The following CPLX1 variants were observed in gnomAD, a reference collection of about 807,000 sequenced individuals.
CPLX1 encodes the protein complexin 1.
Under a neutral mutation model 15.6 loss-of-function variants are expected in CPLX1, and 6 were observed. That is an observed-to-expected ratio of 0.39 (90% CI 0.21 to 0.76). CPLX1 has a LOEUF of 0.76. CPLX1 is among the 30% of genes least tolerant of loss of function. The probability of loss-of-function intolerance (pLI) is 0.43; values close to 1 mark genes in which losing one functional copy is unlikely to be tolerated. For synonymous variants in CPLX1, 91 were observed against 75.2 expected (o/e 1.21, Z -1.08); for missense variants, 242 against 188.6 (o/e 1.28, Z -1.66).
At chr4:824,826 T>G (rs1463631502) in intron 1 of CPLX1, 2 of 608,816 alleles carry the variant, frequency 3.3e-6, no homozygotes, top group Non-Finnish European at 3.1e-6. Context: ...CTGAAGCCTC[T>G]GCAGGGAGGG....
chr4:822,126 C>T (rs1332317918), intron 2 of CPLX1, among the ~76,000 whole-genome samples: 2 of 145,888 alleles, frequency 1.4e-5, no homozygotes, highest in Non-Finnish European at 3.0e-5. Context: ...TCTGTCTCTC[C>T]CTCTCACCAC....
At chr4:794,511 T>C (rs960044462) in intron 2 of CPLX1, among the ~76,000 whole-genome samples, 3 of 152,192 alleles carry the variant, frequency 2.0e-5, no homozygotes, top group African/African-American at 7.2e-5. Flanking sequence ...GGAAACTGGG[T>C]CACAGTAGAG....
chr4:792,233 G>T (rs1746198369), intron 3 of CPLX1, among the ~76,000 whole-genome samples, 200 bp downstream of exon 3: 1 of 152,192 alleles, frequency 6.6e-6, no homozygotes, highest in South Asian at 2.1e-4. Context: ...GTCAGGAGCA[G>T]GAGGGGCTGG....
chr4:786,314 A>C lies in CPLX1; in HGVS notation c.*187T>G, dbSNP rs1291221760. 4 of 489,010 alleles carry C rather than the reference A, an allele frequency of 8.2e-6. No individual in the cohort carries two copies. The highest frequency in any genetic ancestry group is 1.4e-5 in the Non-Finnish European group (4 of 285,222). 30.3% of individuals were successfully genotyped at this position (489,010 alleles called of 1,614,324 possible). A position where few individuals can be genotyped will look rare whatever the true frequency, so the allele number is the denominator to read the frequency against. The stretch of plus-strand genomic sequence containing the variant: ...CCGCGGGCAGAGGAGCACGGGGCGG[A>C]CTGGGGGGGTCCTGGGGGCGCGCGC... On this transcript the variant is annotated 3_prime_UTR_variant, in exon 4 of 4. Transcript: ENST00000304062.
chr4:789,307 G>A (rs897989566), intron 3 of CPLX1, among the ~76,000 whole-genome samples: 2 of 152,136 alleles, frequency 1.3e-5, no homozygotes, highest in African/African-American at 4.8e-5. Flanking sequence ...AGTAACACCT[G>A]AGGATGGGAG....
chr4:797,635 C>T (rs904342718), intron 2 of CPLX1, among the ~76,000 whole-genome samples: 10 of 147,840 alleles, frequency 6.8e-5, no homozygotes, highest in African/African-American at 2.0e-4. Flanking sequence ...CACAACCTGA[C>T]TTTAAGACTT....
intron 2 of CPLX1, among the ~76,000 whole-genome samples, chr4:820,978 C>T (rs1746850955): frequency 6.6e-6 from 1 of 152,164 alleles, no homozygotes; most frequent in Non-Finnish European, 1.5e-5. Context: ...ACTTCTCGTC[C>T]ACCCCGGCTT....
intron 3 of CPLX1, among the ~76,000 whole-genome samples, chr4:791,640 C>T (rs992634641): frequency 6.6e-6 from 1 of 152,200 alleles, no homozygotes; most frequent in African/African-American, 2.4e-5. Context: ...CGAAGCCAGG[C>T]CATCTTGGCC....
intron 2 of CPLX1, among the ~76,000 whole-genome samples, chr4:800,972 G>T (rs34951963): frequency 1.3e-5 from 2 of 151,120 alleles, no homozygotes; most frequent in African/African-American, 4.9e-5. Flanking sequence ...AGCCAAGATC[G>T]TGCCACTGCA....
At chr4:800,800 C>G (rs1049062550) in intron 2 of CPLX1, among the ~76,000 whole-genome samples, 1 of 147,458 alleles carries the variant, frequency 6.8e-6, no homozygotes, top group Non-Finnish European at 1.5e-5. Context: ...TATATACATA[C>G]ACACACGTAT....
At chr4:810,047 C>CG (rs1553854090) in intron 2 of CPLX1, among the ~76,000 whole-genome samples, 1 of 120,328 alleles carries the variant, frequency 8.3e-6, no homozygotes, top group Non-Finnish European at 1.7e-5. Context: ...TCTGCACTTT[C>CG]TTTTTTTTTT....
At chr4:789,772 C>T (rs1746111873) in intron 3 of CPLX1, among the ~76,000 whole-genome samples, 1 of 152,230 alleles carries the variant, frequency 6.6e-6, no homozygotes, top group African/African-American at 2.4e-5. Flanking sequence ...AGGACCCAGT[C>T]CCCATCTGCA....
At chr4:801,044 G>A (rs76984010) in intron 2 of CPLX1, among the ~76,000 whole-genome samples, 8,771 of 151,450 alleles carry the variant, frequency 0.058, 378 homozygotes, top group South Asian at 0.16. Context: ...GCCGGACGCA[G>A]TGGCTCACAC....
At chr4:804,858 G>T (rs552505670) in intron 2 of CPLX1, 105 of 948,404 alleles carry the variant, frequency 1.1e-4, no homozygotes, top group Non-Finnish European at 1.3e-4. Flanking sequence ...CAGCCTCCAC[G>T]GGAAAGGTGG....
rs193283273 is a variant in CPLX1, at chr4:821,760, G to C, written c.31+2732C>G. ...CCGCTCCCCCACGAGCGATCACCCCGGCAGCCACCATGCTCCCTTCCCTTG... is the reference window on the plus strand; with the variant it reads ...CCGCTCCCCCACGAGCGATCACCCCCGCAGCCACCATGCTCCCTTCCCTTG... On this transcript the variant is annotated intron_variant, in intron 2 of 3. Coordinates refer to ENST00000304062, the MANE Select transcript of CPLX1 (RefSeq NM_006651.4). Among the ~76,000 whole-genome samples the C allele has an allele frequency of 1.5e-3, 234 of 152,268 alleles. 2 individuals are homozygous for C. In the South Asian group the frequency reaches 0.045, roughly 29 times the overall value.
chr4:814,394 G>A (rs1746711750), intron 2 of CPLX1, among the ~76,000 whole-genome samples: 1 of 152,116 alleles, frequency 6.6e-6, no homozygotes, highest in South Asian at 2.1e-4. Context: ...TGTATTTTTA[G>A]TGGAGACCGG....
chr4:789,639 C>T (rs936558094), intron 3 of CPLX1, among the ~76,000 whole-genome samples: 4 of 152,152 alleles, frequency 2.6e-5, no homozygotes, highest in African/African-American at 4.8e-5. Context: ...GGTCAGTGCG[C>T]GGAGCACAGC....
chr4:813,789 G>A (rs1560245535), intron 2 of CPLX1, among the ~76,000 whole-genome samples: 1 of 152,092 alleles, frequency 6.6e-6, no homozygotes, highest in East Asian at 1.9e-4. Context: ...AGACCTAAAG[G>A]GCCTGACCTG....
chr4:791,748 G>A (rs1746181742), intron 3 of CPLX1, among the ~76,000 whole-genome samples: 1 of 152,122 alleles, frequency 6.6e-6, no homozygotes, highest in Non-Finnish European at 1.5e-5. Flanking sequence ...GGCACGGGGT[G>A]AGCACTGCGC....
Sources: allele counts gnomAD v4.1 joint callset (sites outside exome capture counted in the v4.1 genomes callset), GRCh38; gene constraint gnomAD v4.1.1; transcripts MANE v1.5; gene names NCBI Gene and HGNC (gene_info 2026-07-23, HGNC 2026-07-21).